Variants in PDE4D observed in about 807,000 individuals in gnomAD.
PDE4D encodes the protein 3',5'-cyclic-AMP phosphodiesterase 4D.
In PDE4D, 24 loss-of-function variants were observed where a neutral mutation model predicts 87.4. That is an observed-to-expected ratio of 0.27 (90% CI 0.20 to 0.39). The LOEUF (loss-of-function observed/expected upper bound fraction) is 0.39. Ranked by LOEUF, PDE4D falls within the 10% of genes least tolerant of loss-of-function variation. The probability of loss-of-function intolerance (pLI) is 1.00; values close to 1 mark genes in which losing one functional copy is unlikely to be tolerated. For synonymous variants in PDE4D, 384 were observed against 383.2 expected (o/e 1.00, Z -0.02); for missense variants, 714 against 1,041.0 (o/e 0.69, Z 4.32).
rs545730667 is a variant in PDE4D at position 59,331,813 on chromosome 5, C to T, written c.456-115845G>A. Among the ~76,000 whole-genome samples, 13 of 152,316 alleles carry T rather than the reference C, an allele frequency of 8.5e-5. No individual in the cohort carries two copies. The South Asian group carries it at 2.3e-3, about 27-fold the overall frequency. ...ATCTCTCAAACACAGGCTTCTATTT[C>T]CTACTTCTTTTGCTTCTACTTAGGT... On this transcript the variant is annotated intron_variant, in intron 1 of 14. Coordinates refer to ENST00000340635, the MANE Select transcript of PDE4D (RefSeq NM_001104631.2).
At chr5:60,352,086 T>C (rs1326552799) in intron 1 of PDE4D, among the ~76,000 whole-genome samples, 1 of 152,032 alleles carries the variant, frequency 6.6e-6, no homozygotes, top group African/African-American at 2.4e-5. Context: ...ATTACAGGTA[T>C]GAGCCACAGT....
intron 2 of PDE4D, among the ~76,000 whole-genome samples, chr5:60,000,650 G>A (rs6894026): frequency 7.2e-5 from 11 of 152,228 alleles, no homozygotes; most frequent in Admixed American, 2.6e-4. Flanking sequence ...AATAAAAATC[G>A]TATAATATTG....
intron 1 of PDE4D, among the ~76,000 whole-genome samples, chr5:60,328,528 T>C (rs1032252909): frequency 1.3e-5 from 2 of 152,276 alleles, no homozygotes; most frequent in Admixed American, 6.5e-5. Flanking sequence ...TATTTCACTA[T>C]ATATTTGCTA....
At chr5:59,433,978 C>G (rs889036500) in intron 1 of PDE4D, among the ~76,000 whole-genome samples, 1 of 151,836 alleles carries the variant, frequency 6.6e-6, no homozygotes, top group Non-Finnish European at 1.5e-5. Context: ...CCCTGGCCTA[C>G]GTTTAGCAAT....
At chr5:59,956,460 A>G (rs1436354149) in intron 3 of PDE4D, among the ~76,000 whole-genome samples, 1 of 152,094 alleles carries the variant, frequency 6.6e-6, no homozygotes, top group Non-Finnish European at 1.5e-5. Context: ...TCTAGCACCC[A>G]CATACTCATT....
intron 1 of PDE4D, chr5:59,768,184 G>A: frequency 6.4e-7 from 1 of 1,568,640 alleles, no homozygotes; most frequent in East Asian, 2.2e-5. Context: ...AATTAAAGGC[G>A]CGAGAGCAGG....
At chr5:59,845,366 C>A (rs148286365) in intron 1 of PDE4D, among the ~76,000 whole-genome samples, 2 of 152,188 alleles carry the variant, frequency 1.3e-5, no homozygotes, top group East Asian at 3.9e-4. Flanking sequence ...CCTGGCGCCA[C>A]CTATATATTG....
chr5:60,396,405 C>T (rs141486007), intron 1 of PDE4D, among the ~76,000 whole-genome samples: 5 of 152,264 alleles, frequency 3.3e-5, no homozygotes, highest in South Asian at 4.1e-4. Flanking sequence ...TATTTTCTTA[C>T]GGGTCTTCTT....
At chr5:59,259,103 T>C (rs893343295) in intron 1 of PDE4D, among the ~76,000 whole-genome samples, 6 of 151,942 alleles carry the variant, frequency 3.9e-5, no homozygotes, top group African/African-American at 1.4e-4. Context: ...TAACTTGTTT[T>C]AAGACTAACA....
chr5:60,494,457 A>G (rs1749703627), intron 1 of PDE4D, among the ~76,000 whole-genome samples: 1 of 152,216 alleles, frequency 6.6e-6, no homozygotes, highest in Admixed American at 6.5e-5. Context: ...ACTGAGAGGA[A>G]AATGATGGAA....
chr5:60,053,038 G>A (rs1405496671), intron 2 of PDE4D, among the ~76,000 whole-genome samples: 1 of 152,146 alleles, frequency 6.6e-6, no homozygotes, highest in Non-Finnish European at 1.5e-5. Context: ...GGAAATAAGA[G>A]AGGACAAAAA....
intron 1 of PDE4D, among the ~76,000 whole-genome samples, chr5:60,484,524 T>C (rs1022364279): frequency 6.6e-5 from 10 of 151,912 alleles, no homozygotes; most frequent in Admixed American, 1.3e-4. Flanking sequence ...TATGTAATAT[T>C]TATACGACTA....
intron 1 of PDE4D, among the ~76,000 whole-genome samples, chr5:60,509,068 T>A (rs1282748917): frequency 6.6e-6 from 1 of 152,008 alleles, no homozygotes; most frequent in Admixed American, 6.6e-5. Context: ...CCCAGCTGAT[T>A]TTTATGTTTT....
chr5:60,357,153 CAAA>C (rs57121664), intron 1 of PDE4D, among the ~76,000 whole-genome samples: 1 of 141,886 alleles, frequency 7.0e-6, no homozygotes, highest in Admixed American at 7.1e-5. Flanking sequence ...GCAGCAATAC[CAAA>C]AAAAAAAAAG....
At position 59,610,569 on chromosome 5, in the gene PDE4D, A is replaced by T. The variant is rs76431461; in HGVS notation, c.455+282599T>A. On this transcript the variant is annotated intron_variant, in intron 1 of 14. Coordinates refer to ENST00000340635, the MANE Select transcript of PDE4D (RefSeq NM_001104631.2). ...TTAGACACTATACAAATAACATTTTAAAATGTTCATTGATTCAAAGCTTAG... is the reference window on the plus strand; with the variant it reads ...TTAGACACTATACAAATAACATTTTTAAATGTTCATTGATTCAAAGCTTAG... 7.1e-3 allele frequency among the ~76,000 whole-genome samples: 1,088 copies of T among 152,290 alleles called. 17 individuals are homozygous for T. Among genetic ancestry groups the T allele is most frequent in the African/African-American group, 0.024 (1,006 of 41,562 alleles).
At chr5:60,357,730 T>A (rs556723853) in intron 1 of PDE4D, among the ~76,000 whole-genome samples, 1 of 152,308 alleles carries the variant, frequency 6.6e-6, no homozygotes, top group South Asian at 2.1e-4. Flanking sequence ...ATAAGTGAAG[T>A]AGGATCCATA....
At chr5:59,018,280 C>T (rs1455630500) in intron 6 of PDE4D, among the ~76,000 whole-genome samples, 4 of 152,188 alleles carry the variant, frequency 2.6e-5, no homozygotes, top group Admixed American at 1.3e-4. Context: ...ATAATTTTCT[C>T]AGAATGCACT....
intron 2 of PDE4D, among the ~76,000 whole-genome samples, chr5:60,011,963 G>T (rs185769740): frequency 9.2e-4 from 140 of 152,222 alleles, no homozygotes; most frequent in African/African-American, 3.3e-3. Context: ...AGATGCTATA[G>T]ATCTTCAGGC....
chr5:59,576,616 G>A lies in PDE4D; in HGVS notation c.455+316552C>T, dbSNP rs561588348. The stretch of plus-strand genomic sequence containing the variant: ...TGGTATAAAGTAGAAAAAAGTAGTC[G>A]AGGTGGCTACTGCAATGAATAGAAC... On this transcript the variant is annotated intron_variant, in intron 1 of 14. Coordinates refer to ENST00000340635, the MANE Select transcript of PDE4D (RefSeq NM_001104631.2). 4.6e-5 allele frequency among the ~76,000 whole-genome samples: 7 copies of A among 152,152 alleles called. No homozygotes were observed. The East Asian group carries it at 9.7e-4, about 21-fold the overall frequency.
Sources: allele counts gnomAD v4.1 joint callset (sites outside exome capture counted in the v4.1 genomes callset), GRCh38; gene constraint gnomAD v4.1.1; transcripts MANE v1.5; gene names NCBI Gene and HGNC (gene_info 2026-07-23, HGNC 2026-07-21).